The following ZNF280C variants were observed in gnomAD, a reference collection of about 807,000 sequenced individuals.
The protein encoded by ZNF280C is suppressor of hairy wing homolog 3.
Under a neutral mutation model 53.6 loss-of-function variants are expected in ZNF280C, and 14 were observed. That is an observed-to-expected ratio of 0.26 (90% CI 0.17 to 0.41). The LOEUF (loss-of-function observed/expected upper bound fraction) is 0.41, where lower values mean the gene tolerates loss of function less well. ZNF280C is among the 10% of genes least tolerant of loss of function. ZNF280C has a pLI of 1.00. For synonymous variants in ZNF280C, 203 were observed against 181.1 expected (o/e 1.12, Z -0.97); for missense variants, 416 against 547.1 (o/e 0.76, Z 2.39).
chrX:130,257,906 C>T (rs765276175), intron 2 of ZNF280C, among the ~76,000 whole-genome samples: 4 of 112,097 alleles, frequency 3.6e-5, no homozygotes, highest in African/African-American at 9.7e-5. Flanking sequence ...GCCAGGAGTT[C>T]GAGACCAGCC....
chrX:130,238,393 A>C (rs1034114891), intron 6 of ZNF280C, among the ~76,000 whole-genome samples: 1 of 111,569 alleles, frequency 9.0e-6, no homozygotes, highest in Admixed American at 9.6e-5. Flanking sequence ...AGAAAAATGA[A>C]AGTATTTTAA....
At position 130,229,139 on chromosome X, in the gene ZNF280C, A is replaced by C. The variant is rs777130798; in HGVS notation, c.990-5T>G. ...TGTTTCATGTGGTTCATAAACCTACAAACAATTTGCCAGTAAGAGCAAAAA... is the reference window on the plus strand; with the variant it reads ...TGTTTCATGTGGTTCATAAACCTACCAACAATTTGCCAGTAAGAGCAAAAA... On this transcript the variant is annotated splice_region_variant and splice_polypyrimidine_tract_variant and intron_variant, in intron 9 of 18. Transcript: ENST00000370978. The C allele has an allele frequency of 8.4e-7, 1 of 1,190,568 alleles. No homozygotes were observed. The highest frequency in any genetic ancestry group is 1.9e-5 in the South Asian group (1 of 53,198).
At chrX:130,210,101 C>T (rs1316359608) in intron 15 of ZNF280C, among the ~76,000 whole-genome samples, 6 of 111,600 alleles carry the variant, frequency 5.4e-5, no homozygotes, top group Non-Finnish European at 1.1e-4. Context: ...CCGAATCTGC[C>T]GGCACCTTGA....
chrX:130,255,131 CTTT>C (rs1165356811), intron 2 of ZNF280C, among the ~76,000 whole-genome samples: 3 of 99,388 alleles, frequency 3.0e-5, no homozygotes, highest in African/African-American at 1.1e-4. Context: ...AAATCATTTT[CTTT>C]TTTTTTCTTT....
intron 2 of ZNF280C, among the ~76,000 whole-genome samples, chrX:130,256,405 T>C (rs1225872936): frequency 3.6e-5 from 4 of 111,721 alleles, no homozygotes; most frequent in Non-Finnish European, 7.5e-5. Context: ...CAAGTTTCAG[T>C]GCAGGAAAAG....
At position 130,220,297 on chromosome X, in the gene ZNF280C, A is replaced by C. The variant is rs997715731; in HGVS notation, c.1527+52T>G. On this transcript the variant is annotated intron_variant, in intron 13 of 18. Transcript: ENST00000370978. Reference sequence around the variant, plus strand: ...ATCCATAATAAAAAAAAAAACATAAAAAAATTAATAGAATGTGCAAAAAAC... The same window carrying C: ...ATCCATAATAAAAAAAAAAACATAACAAAATTAATAGAATGTGCAAAAAAC... 1.1e-5 allele frequency: 12 copies of C among 1,067,077 alleles called. No homozygotes were observed. The African/African-American group carries it at 1.9e-4, about 17-fold the overall frequency. 87.9% of individuals were successfully genotyped at this position (1,067,077 alleles called of 1,213,427 possible).
At chrX:130,222,838 A>G (rs2032182915) in intron 12 of ZNF280C, among the ~76,000 whole-genome samples, 1 of 109,412 alleles carries the variant, frequency 9.1e-6, no homozygotes, top group Admixed American at 9.7e-5. Context: ...CTAATTTTGT[A>G]TTTTTAGAGA....
Position 130,215,998 on chromosome X carries a change from G to A in ZNF280C, c.1631C>T (p.Ser544Phe). 8.3e-7 allele frequency: 1 copy of A among 1,211,194 alleles called. No homozygotes were observed. Among genetic ancestry groups the A allele is most frequent in the East Asian group, 3.0e-5 (1 of 33,853 alleles). The change falls in exon 14 of 19, where the codon TCT becomes TTT. Residue 544 changes from serine to phenylalanine, a missense_variant. Transcript: ENST00000370978. ...TSFLQVTPPTSQNTTARNPRK... is the reference protein window; with the variant it reads ...TSFLQVTPPTFQNTTARNPRK... ...AGGATTTCTAGCAGTTGTATTTTGA[G>A]ATGTCGGAGGTGTGACCTGAAGAAA...
At chrX:130,209,956 T>C (rs909250699) in intron 15 of ZNF280C, among the ~76,000 whole-genome samples, 11 of 110,961 alleles carry the variant, frequency 9.9e-5, no homozygotes, top group African/African-American at 3.6e-4. Context: ...GGGAGGTGAT[T>C]AGGTCATGAG....
intron 12 of ZNF280C, among the ~76,000 whole-genome samples, chrX:130,224,997 T>C (rs144965293): frequency 0.016 from 1,788 of 111,728 alleles, 24 homozygotes; most frequent in Non-Finnish European, 0.021. Flanking sequence ...ACTTCTGAAA[T>C]TGTGCAATAT....
Position 130,215,941 on chromosome X carries a change from C to T in ZNF280C, c.1688G>A (p.Ser563Asn). ...AGTGGATGTAGTTGCATGAAGCTTA[C>T]TTGTCTTAGATCTACTGGCATTAGA... is the stretch of plus-strand genomic sequence containing the variant. ...RKSNASRSKT[S>N]KLHATTSTAS... Residue 563 changes from serine to asparagine, a missense_variant, in exon 14 of 19, where the codon AGT (serine) becomes AAT (asparagine). Ser to Asn is a conservative substitution (Grantham distance 46, BLOSUM62 1). Coordinates refer to ENST00000370978, the MANE Select transcript of ZNF280C (RefSeq NM_017666.5). 8.3e-7 allele frequency: 1 copy of T among 1,210,830 alleles called. No individual in the cohort carries two copies. The highest frequency in any genetic ancestry group is 1.1e-6 in the Non-Finnish European group (1 of 895,253).
chrX:130,238,714 G>T (rs368091025), intron 6 of ZNF280C, among the ~76,000 whole-genome samples: 74 of 111,460 alleles, frequency 6.6e-4, no homozygotes, highest in African/African-American at 2.4e-3. Context: ...ATCTAGATAA[G>T]TGACACCTAG....
chrX:130,228,923 G>C (rs1603241926), intron 10 of ZNF280C, 54 bp downstream of exon 10: 1 of 1,061,360 alleles, frequency 9.4e-7, no homozygotes, highest in Non-Finnish European at 1.2e-6. Context: ...TTTCCTCACA[G>C]TTCGGATGAT....
At chrX:130,240,959 T>C (rs906545808) in intron 5 of ZNF280C, among the ~76,000 whole-genome samples, 3 of 112,089 alleles carry the variant, frequency 2.7e-5, no homozygotes, top group Non-Finnish European at 3.8e-5. Flanking sequence ...ATTTTATTAA[T>C]AGTTGTCATA....
At chrX:130,212,872 C>A (rs1029883463) in intron 15 of ZNF280C, among the ~76,000 whole-genome samples, 2 of 110,919 alleles carry the variant, frequency 1.8e-5, no homozygotes, top group Non-Finnish European at 3.8e-5. Context: ...AGATGACGAA[C>A]AGGGTTAACT....
In ZNF280C at chrX:130,254,778, G is replaced by A. The variant is rs1268286862; in HGVS notation, c.31+5641C>T. On this transcript the variant is annotated intron_variant, in intron 2 of 18. Transcript: ENST00000370978. ...TACTTGAGGGTGGAGGGTGGGAGGA[G>A]GGAGAGGATCAGGAAAAATAACTCA... Among the ~76,000 whole-genome samples the A allele has an allele frequency of 3.6e-5, 4 of 110,777 alleles. No homozygotes were observed. The Admixed American group carries it at 3.9e-4, about 11-fold the overall frequency.
chrX:130,246,851 A>C lies in ZNF280C; in HGVS notation c.178+8T>G. On this transcript the variant is annotated splice_region_variant and intron_variant, in intron 3 of 18. Coordinates refer to ENST00000370978, the MANE Select transcript of ZNF280C (RefSeq NM_017666.5). ...TGAAACGTTACTTCACTGAAAGTAA[A>C]TGCTTACTTGAAATGGCTGGTTTTG... The C allele has an allele frequency of 8.3e-7, 1 of 1,205,334 alleles. No individual in the cohort carries two copies. The highest frequency in any genetic ancestry group is 1.1e-6 in the Non-Finnish European group (1 of 893,382).
intron 2 of ZNF280C, among the ~76,000 whole-genome samples, chrX:130,252,072 C>T (rs1028658683): frequency 1.8e-5 from 2 of 110,988 alleles, no homozygotes; most frequent in Admixed American, 1.9e-4. Context: ...TGAGATCGTG[C>T]CACTGCACTA....
chrX:130,249,392 C>CA (rs1724243221), intron 2 of ZNF280C, among the ~76,000 whole-genome samples: 2 of 112,310 alleles, frequency 1.8e-5, no homozygotes, highest in South Asian at 7.4e-4. Context: ...CCCTACAAAA[C>CA]AGTTTGGCTG....
Sources: gnomAD v4.1 joint callset for allele counts (sites outside exome capture counted in the v4.1 genomes callset) on GRCh38, gnomAD v4.1.1 for gene constraint, MANE v1.5 for transcripts, NCBI Gene and HGNC (gene_info 2026-07-23, HGNC 2026-07-21) for gene names.